Variants in PAX3 observed in about 807,000 individuals in gnomAD.
PAX3 encodes the protein paired box protein Pax-3.
In PAX3, 14 loss-of-function variants were observed where a neutral mutation model predicts 51.6. That is an observed-to-expected ratio of 0.27 (90% CI 0.18 to 0.42). The LOEUF (loss-of-function observed/expected upper bound fraction) is 0.42, where lower values mean the gene tolerates loss of function less well. Ranked by LOEUF, PAX3 falls within the 10% of genes least tolerant of loss-of-function variation. The probability of loss-of-function intolerance (pLI) is 1.00; values close to 1 mark genes in which losing one functional copy is unlikely to be tolerated. For synonymous variants in PAX3, 280 were observed against 253.4 expected, an observed-to-expected ratio of 1.11 and a Z score of -1.00; for missense variants, 540 against 642.8, an observed-to-expected ratio of 0.84 and a Z score of 1.73.
intron 4 of PAX3, among the ~76,000 whole-genome samples, chr2:222,258,404 A>G (rs961310885): frequency 1.3e-5 from 2 of 151,596 alleles, no homozygotes; most frequent in African/African-American, 4.8e-5. Context: ...ATTAAATAAT[A>G]CTTAGTAAAC....
chr2:222,293,856 G>T lies in PAX3; in HGVS notation c.586+311C>A, dbSNP rs191106264. 2.4e-5 allele frequency: 39 copies of T among 1,612,204 alleles called. No individual in the cohort carries two copies. The African/African-American group carries it at 4.4e-4, about 18-fold the overall frequency. On this transcript the variant is annotated intron_variant, in intron 4 of 8. Coordinates refer to ENST00000392070, the MANE Select transcript of PAX3 (RefSeq NM_181458.4). ...GATGCCCAGTCTCATACATTTAATG[G>T]CAACAGAGTGAGAGCTTCCCCTGCC...
intron 4 of PAX3, among the ~76,000 whole-genome samples, chr2:222,245,986 G>T (rs1259818436): frequency 6.7e-6 from 1 of 148,168 alleles, no homozygotes; most frequent in Non-Finnish European, 1.5e-5. Flanking sequence ...GTCTCAAAAA[G>T]AGACAGAGAG....
chr2:222,232,384 T>C, intron 4 of PAX3, 101 bp from the exon 5 acceptor site: 1 of 958,740 alleles, frequency 1.0e-6, no homozygotes, highest in Admixed American at 2.0e-5. Flanking sequence ...ACCATTACAG[T>C]GATCCCTATA....
chr2:222,232,689 C>T (rs1001516492), intron 4 of PAX3, among the ~76,000 whole-genome samples: 2 of 152,050 alleles, frequency 1.3e-5, no homozygotes, highest in Non-Finnish European at 2.9e-5. Context: ...ATGGGTGCTT[C>T]CTTCGTGTCT....
intron 4 of PAX3, among the ~76,000 whole-genome samples, chr2:222,254,417 C>T (rs993140887): frequency 1.3e-5 from 2 of 151,964 alleles, no homozygotes; most frequent in Middle Eastern, 3.2e-3. Context: ...GTGCATCACA[C>T]ATATAAGGTT....
chr2:222,230,644 C>G (rs917590300), intron 5 of PAX3, among the ~76,000 whole-genome samples: 2 of 152,098 alleles, frequency 1.3e-5, no homozygotes, highest in Non-Finnish European at 1.5e-5. Context: ...ATCACGAGGT[C>G]AGGAGTTCGA....
intron 3 of PAX3, among the ~76,000 whole-genome samples, chr2:222,294,837 G>A (rs1364961981): frequency 7.5e-6 from 1 of 133,210 alleles, no homozygotes; most frequent in African/African-American, 2.8e-5. Context: ...GGCTATAAAG[G>A]GTTTAAATTT....
intron 5 of PAX3, among the ~76,000 whole-genome samples, chr2:222,229,480 A>G (rs1692505052): frequency 6.6e-6 from 1 of 151,776 alleles, no homozygotes. Flanking sequence ...CCTTTCACTC[A>G]CCTTCCTCCC....
At chr2:222,286,024 G>A (rs1003840226) in intron 4 of PAX3, among the ~76,000 whole-genome samples, 6 of 152,224 alleles carry the variant, frequency 3.9e-5, no homozygotes, top group South Asian at 2.1e-4. Flanking sequence ...TGCAACCTCC[G>A]TCTCCCAGGT....
chr2:222,290,524 G>T (rs1192977829), intron 4 of PAX3, among the ~76,000 whole-genome samples: 1 of 152,200 alleles, frequency 6.6e-6, no homozygotes, highest in African/African-American at 2.4e-5. Context: ...TCTTATGAGA[G>T]TGTATCGCCA....
intron 4 of PAX3, among the ~76,000 whole-genome samples, chr2:222,280,448 A>C (rs971093089): frequency 1.3e-5 from 2 of 152,122 alleles, no homozygotes; most frequent in South Asian, 4.1e-4. Flanking sequence ...GAAGGAAGAA[A>C]GAAAGAGTCC....
intron 4 of PAX3, among the ~76,000 whole-genome samples, chr2:222,261,601 C>CAAAAA (rs61534527): frequency 9.2e-6 from 1 of 109,170 alleles, no homozygotes. Flanking sequence ...ACAACAACAA[C>CAAAAA]AAAAAAAAAA....
chr2:222,222,261 T>C (rs1692222151), intron 5 of PAX3, among the ~76,000 whole-genome samples: 1 of 152,152 alleles, frequency 6.6e-6, no homozygotes, highest in South Asian at 2.1e-4. Context: ...GGTCCTGTGC[T>C]CCTGCCCAAC....
chr2:222,238,159 A>T (rs1020856352), intron 4 of PAX3, among the ~76,000 whole-genome samples: 6 of 152,178 alleles, frequency 3.9e-5, no homozygotes. Flanking sequence ...CAGGATTACA[A>T]ACTCTTCCTT....
chr2:222,211,551 C>T (rs1691733539), intron 7 of PAX3, among the ~76,000 whole-genome samples: 1 of 152,026 alleles, frequency 6.6e-6, no homozygotes, highest in Non-Finnish European at 1.5e-5. Context: ...AAAGGGCTGA[C>T]ACTGTGTTGA....
chr2:222,206,820 C>T (rs112768269), intron 7 of PAX3, among the ~76,000 whole-genome samples: 14 of 152,206 alleles, frequency 9.2e-5, no homozygotes, highest in African/African-American at 3.1e-4. Context: ...GTTTTCCCAT[C>T]AGTTGAAAGT....
intron 4 of PAX3, among the ~76,000 whole-genome samples, chr2:222,279,000 G>C (rs1298465784): frequency 6.6e-6 from 1 of 152,090 alleles, no homozygotes; most frequent in African/African-American, 2.4e-5. Flanking sequence ...GCCCAGGCTG[G>C]AGTGCAGTGG....
Position 222,220,249 on chromosome 2 carries a change from C to T in PAX3, c.1064G>A (p.Cys355Tyr), listed in dbSNP as rs1313206820. Residue 355 changes from cysteine (C) to tyrosine (Y), a missense_variant, in exon 7 of 9, where the codon TGC becomes TAC. By Grantham distance (194) the Cys-to-Tyr change is radical (BLOSUM62 -2). Transcript: ENST00000392070. Reference protein sequence around the residue: ...PSNPDSSSAYCLPSTRHGFSS... With the variant: ...PSNPDSSSAYYLPSTRHGFSS... ...AAATCCATGCCTGGTGCTGGGGAGGCAGTAGGCAGAGCTGCTGTCTGGGTT... is the reference window on the plus strand; with the variant it reads ...AAATCCATGCCTGGTGCTGGGGAGGTAGTAGGCAGAGCTGCTGTCTGGGTT... 1 of 1,613,954 alleles carries T rather than the reference C, an allele frequency of 6.2e-7. No individual in the cohort carries two copies. The highest frequency in any genetic ancestry group is 2.2e-5 in the East Asian group (1 of 44,842).
At chr2:222,250,677 T>C (rs185090378) in intron 4 of PAX3, among the ~76,000 whole-genome samples, 4 of 152,312 alleles carry the variant, frequency 2.6e-5, no homozygotes, top group Admixed American at 6.5e-5. Context: ...GAATTTCACT[T>C]ACCTAAATAC....
Sources: gnomAD v4.1 joint callset for allele counts (sites outside exome capture counted in the v4.1 genomes callset) on GRCh38, gnomAD v4.1.1 for gene constraint, MANE v1.5 for transcripts, NCBI Gene and HGNC (gene_info 2026-07-23, HGNC 2026-07-21) for gene names.